The following TMEM132D variants were observed in gnomAD, a reference collection of about 807,000 sequenced individuals.
TMEM132D encodes the protein transmembrane protein 132D.
A neutral mutation model predicts 62.3 loss-of-function variants in TMEM132D; 21 were observed. The ratio of observed to expected loss-of-function variants is 0.34; its 90% CI spans 0.24 to 0.49. The LOEUF is 0.49. Among genes scored for constraint, TMEM132D ranks in the 20% least tolerant of loss-of-function variants. TMEM132D has a pLI of 0.99. For synonymous variants in TMEM132D, 621 were observed against 575.6 expected, an observed-to-expected ratio of 1.08 and a Z score of -1.13; for missense variants, 1,346 against 1,402.8, an observed-to-expected ratio of 0.96 and a Z score of 0.65.
intron 3 of TMEM132D, among the ~76,000 whole-genome samples, chr12:129,517,362 A>G (rs1310428838): frequency 1.3e-5 from 2 of 152,200 alleles, no homozygotes; most frequent in Non-Finnish European, 2.9e-5. Context: ...ATCTATTAAC[A>G]AATGTGATGC....
At chr12:129,640,922 C>T (rs916585518) in intron 2 of TMEM132D, among the ~76,000 whole-genome samples, 24 of 152,070 alleles carry the variant, frequency 1.6e-4, no homozygotes, top group African/African-American at 3.4e-4. Context: ...CTAGGTTGCA[C>T]GCTCCTTATG....
chr12:129,711,612 AGC>A (rs1402295156), intron 1 of TMEM132D, among the ~76,000 whole-genome samples: 1 of 151,788 alleles, frequency 6.6e-6, no homozygotes, highest in East Asian at 1.9e-4. Context: ...CTGTAATCCC[AGC>A]TACTTAGGAG....
intron 5 of TMEM132D, among the ~76,000 whole-genome samples, chr12:129,141,162 T>C (rs945022665): frequency 6.6e-6 from 1 of 152,252 alleles, no homozygotes; most frequent in African/African-American, 2.4e-5. Context: ...GCTAGAACTC[T>C]TGCTACCACA....
chr12:129,484,887 A>G (rs1440758322), intron 3 of TMEM132D, among the ~76,000 whole-genome samples: 2 of 152,224 alleles, frequency 1.3e-5, no homozygotes, highest in Non-Finnish European at 2.9e-5. Context: ...TTACAAAACA[A>G]TGACATTTAT....
chr12:129,870,073 C>T (rs1258215542), intron 1 of TMEM132D, among the ~76,000 whole-genome samples: 1 of 152,192 alleles, frequency 6.6e-6, no homozygotes, highest in Non-Finnish European at 1.5e-5. Flanking sequence ...ACTGCAGCCT[C>T]GAACTCCTGG....
At chr12:129,558,880 A>C (rs1877135467) in intron 2 of TMEM132D, among the ~76,000 whole-genome samples, 1 of 152,218 alleles carries the variant, frequency 6.6e-6, no homozygotes, top group Non-Finnish European at 1.5e-5. Flanking sequence ...ACTTTGTCAT[A>C]GTAATGGCAC....
chr12:129,221,630 C>T (rs906238533), intron 4 of TMEM132D, among the ~76,000 whole-genome samples: 1 of 152,170 alleles, frequency 6.6e-6, no homozygotes, highest in Non-Finnish European at 1.5e-5. Context: ...ATGAAGGTCT[C>T]ACATCCCTTT....
rs1255232661 is a variant in TMEM132D at position 129,071,859 on chromosome 12, A to T, written c.*2016T>A. Reference sequence around the variant, plus strand: ...CGGCTGCAGTATTCAACAGAACATGACACAGGTAAGAATGGAAAGAAATAT... The same window carrying T: ...CGGCTGCAGTATTCAACAGAACATGTCACAGGTAAGAATGGAAAGAAATAT... On this transcript the variant is annotated 3_prime_UTR_variant, in exon 9 of 9. Coordinates refer to ENST00000422113, the MANE Select transcript of TMEM132D (RefSeq NM_133448.3). 6.6e-6 allele frequency: 1 copy of T among 152,260 alleles called. No individual in the cohort carries two copies. Among genetic ancestry groups the T allele is most frequent in the Non-Finnish European group, 1.5e-5 (1 of 68,052 alleles). The allele number at this position is 152,260 out of a possible 1,614,324, so 9.4% of individuals were successfully genotyped here.
chr12:129,286,411 A>G (rs1208863797), intron 4 of TMEM132D, among the ~76,000 whole-genome samples: 1 of 152,220 alleles, frequency 6.6e-6, no homozygotes, highest in Non-Finnish European at 1.5e-5. Context: ...TGGGATTGTG[A>G]CCAAGGAGAC....
At chr12:129,248,703 C>T (rs1880187799) in intron 4 of TMEM132D, among the ~76,000 whole-genome samples, 1 of 152,044 alleles carries the variant, frequency 6.6e-6, no homozygotes, top group Non-Finnish European at 1.5e-5. Flanking sequence ...AATTTGCTCC[C>T]CCGCTCCACC....
At chr12:129,579,856 C>T (rs546087046) in intron 2 of TMEM132D, among the ~76,000 whole-genome samples, 1 of 152,304 alleles carries the variant, frequency 6.6e-6, no homozygotes, top group Non-Finnish European at 1.5e-5. Flanking sequence ...TCAATATTAA[C>T]CATCACAATG....
At chr12:129,304,851 A>C (rs1323820733) in intron 4 of TMEM132D, among the ~76,000 whole-genome samples, 6 of 151,946 alleles carry the variant, frequency 3.9e-5, no homozygotes, top group Non-Finnish European at 8.8e-5. Flanking sequence ...TTTAGTAGAG[A>C]CAGGGTTTTG....
At chr12:129,682,415 G>C (rs1213430433) in intron 2 of TMEM132D, among the ~76,000 whole-genome samples, 1 of 152,118 alleles carries the variant, frequency 6.6e-6, no homozygotes, top group Non-Finnish European at 1.5e-5. Context: ...CAGGTGCCCA[G>C]AGCTGCAACT....
chr12:129,551,363 G>A (rs950886835), intron 2 of TMEM132D, among the ~76,000 whole-genome samples: 1 of 152,324 alleles, frequency 6.6e-6, no homozygotes, highest in Middle Eastern at 3.4e-3. Flanking sequence ...TGCCTGCCCT[G>A]GGTCTGCACA....
chr12:129,743,520 T>A (rs1162597549), intron 1 of TMEM132D, among the ~76,000 whole-genome samples: 2 of 152,308 alleles, frequency 1.3e-5, no homozygotes, highest in South Asian at 2.1e-4. Flanking sequence ...TCCCCAGCCA[T>A]GCTGAACTGA....
intron 3 of TMEM132D, among the ~76,000 whole-genome samples, chr12:129,505,306 A>G (rs1031122961): frequency 1.1e-3 from 166 of 151,404 alleles, no homozygotes; most frequent in African/African-American, 3.9e-3. Context: ...GCAGTGGCGC[A>G]ATCTTGGCTC....
chr12:129,661,651 C>T (rs1194356650), intron 2 of TMEM132D, among the ~76,000 whole-genome samples: 3 of 152,202 alleles, frequency 2.0e-5, no homozygotes, highest in Non-Finnish European at 4.4e-5. Context: ...AACATTCCCT[C>T]AAAAGTAGCT....
chr12:129,546,135 T>G (rs1876725260), intron 2 of TMEM132D, among the ~76,000 whole-genome samples: 1 of 151,748 alleles, frequency 6.6e-6, no homozygotes, highest in Non-Finnish European at 1.5e-5. Flanking sequence ...CAAAGTCTGG[T>G]TAAGACTTCC....
At chr12:129,788,776 C>T (rs1164595734) in intron 1 of TMEM132D, among the ~76,000 whole-genome samples, 1 of 152,122 alleles carries the variant, frequency 6.6e-6, no homozygotes, top group Non-Finnish European at 1.5e-5. Flanking sequence ...GGAGTCAAGA[C>T]TCTTTCTGAG....
Sources: allele counts gnomAD v4.1 joint callset (sites outside exome capture counted in the v4.1 genomes callset), GRCh38; gene constraint gnomAD v4.1.1; transcripts MANE v1.5; gene names NCBI Gene and HGNC (gene_info 2026-07-23, HGNC 2026-07-21).